Variants in ALK observed in about 807,000 individuals in gnomAD.
ALK encodes ALK tyrosine kinase receptor.
A neutral mutation model predicts 163.1 loss-of-function variants in ALK; 74 were observed. That is an observed-to-expected ratio of 0.45 (90% confidence interval 0.38 to 0.55). The LOEUF is 0.55. ALK is among the 20% of genes least tolerant of loss of function. The pLI is 0.00. For missense variants in ALK, 2,063 were observed against 2,105.3 expected (o/e 0.98, Z 0.39); for synonymous variants, 960 against 843.2 (o/e 1.14, Z -2.40).
intron 1 of ALK, among the ~76,000 whole-genome samples, chr2:29,802,716 A>G (rs1317151753): frequency 2.0e-5 from 3 of 151,816 alleles, no homozygotes; most frequent in African/African-American, 7.3e-5. Flanking sequence ...TTTTTAGATC[A>G]CTGTTCTATA....
chr2:29,683,368 CTCTG>C, intron 3 of ALK, among the ~76,000 whole-genome samples: 1 of 151,990 alleles, frequency 6.6e-6, no homozygotes, highest in Admixed American at 6.6e-5. Flanking sequence ...CAGAGTAAGA[CTCTG>C]TCTCAAGAAA....
intron 4 of ALK, among the ~76,000 whole-genome samples, chr2:29,493,960 C>T (rs1294580073): frequency 1.3e-5 from 2 of 152,208 alleles, no homozygotes. Flanking sequence ...GAGGAGGAGA[C>T]ACAGTGGGGT....
At chr2:29,414,446 G>A (rs1669817391) in intron 4 of ALK, among the ~76,000 whole-genome samples, 1 of 152,122 alleles carries the variant, frequency 6.6e-6, no homozygotes, top group Admixed American at 6.5e-5. Flanking sequence ...CCCCATTCTT[G>A]CCAAAACCCT....
chr2:29,276,559 T>A (rs1186980266), intron 9 of ALK, among the ~76,000 whole-genome samples: 1 of 152,062 alleles, frequency 6.6e-6, no homozygotes, highest in Non-Finnish European at 1.5e-5. Context: ...GGCATGGGTA[T>A]GAAAACACCA....
chr2:29,213,703 G>T (rs1229101695), intron 24 of ALK, among the ~76,000 whole-genome samples: 2 of 152,176 alleles, frequency 1.3e-5, no homozygotes, highest in African/African-American at 4.8e-5. Context: ...AGCTGAAGGG[G>T]CCAGGAGCCA....
Position 29,234,329 on chromosome 2 carries a change from A to G in ALK, c.2356-633T>C, listed in dbSNP as rs186971796. On this transcript the variant is annotated intron_variant, in intron 13 of 28. Coordinates refer to ENST00000389048, the MANE Select transcript of ALK (RefSeq NM_004304.5). ...GAAGGCACTGCAAGGAGTGGACTTC[A>G]TTCTCTATGAGAGCCGTTCTCTCAC... Among the ~76,000 whole-genome samples, 549 of 152,278 alleles carry G rather than the reference A, an allele frequency of 3.6e-3. 7 individuals are homozygous for G. The highest frequency in any genetic ancestry group is 0.012 in the African/African-American group (505 of 41,552).
intron 3 of ALK, among the ~76,000 whole-genome samples, chr2:29,645,249 G>A (rs565085782): frequency 1.3e-5 from 2 of 152,164 alleles, no homozygotes; most frequent in Non-Finnish European, 2.9e-5. Flanking sequence ...ATGAGAGTCT[G>A]GAAATCTTAA....
chr2:29,724,939 T>C (rs1337076070), intron 1 of ALK, among the ~76,000 whole-genome samples: 1 of 152,116 alleles, frequency 6.6e-6, no homozygotes, highest in East Asian at 1.9e-4. Context: ...AATATTCTTT[T>C]GTACTGTCAA....
At chr2:29,527,662 C>A (rs1304824873) in intron 4 of ALK, among the ~76,000 whole-genome samples, 3 of 152,154 alleles carry the variant, frequency 2.0e-5, no homozygotes, top group African/African-American at 7.2e-5. Flanking sequence ...CATGTACCAC[C>A]ATGCCTGGCT....
intron 1 of ALK, among the ~76,000 whole-genome samples, chr2:29,802,248 C>T (rs1459665867): frequency 2.0e-5 from 3 of 149,112 alleles, no homozygotes; most frequent in Non-Finnish European, 4.4e-5. Flanking sequence ...CACTGGGCAA[C>T]TTCCATGGTC....
At chr2:29,609,498 A>C (rs935614834) in intron 3 of ALK, among the ~76,000 whole-genome samples, 1 of 152,136 alleles carries the variant, frequency 6.6e-6, no homozygotes, top group Non-Finnish European at 1.5e-5. Context: ...AAATTAATAA[A>C]ATTTTAGAAT....
chr2:29,576,583 C>G (rs1674531098), intron 3 of ALK, among the ~76,000 whole-genome samples: 1 of 152,204 alleles, frequency 6.6e-6, no homozygotes, highest in African/African-American at 2.4e-5. Context: ...CCTCTGACAG[C>G]CATGCTAGCA....
rs115706675 is a variant in ALK at position 29,361,509 on chromosome 2, G to A, written c.1282+22223C>T. On this transcript the variant is annotated intron_variant, in intron 5 of 28. Coordinates refer to ENST00000389048, the MANE Select transcript of ALK (RefSeq NM_004304.5). ...TGCATTTGCTGGAGCTACAGGCAAT[G>A]CGTTATAGTGGGAAAACACTGGGCC... 9.4e-3 allele frequency among the ~76,000 whole-genome samples: 1,426 copies of A among 152,344 alleles called. 27 individuals carry two copies. Among genetic ancestry groups the A allele is most frequent in the African/African-American group, 0.032 (1,346 of 41,576 alleles).
intron 2 of ALK, among the ~76,000 whole-genome samples, chr2:29,704,229 G>C (rs1228527480): frequency 1.3e-5 from 2 of 152,170 alleles, no homozygotes; most frequent in Non-Finnish European, 2.9e-5. Flanking sequence ...TTAAAACACT[G>C]TCAGTCCTTA....
In ALK at chr2:29,880,260, T is replaced by C. The variant is rs1558531114; in HGVS notation, c.667+39733A>G. Among the ~76,000 whole-genome samples, 4 of 152,300 alleles carry C rather than the reference T, an allele frequency of 2.6e-5. No individual in the cohort carries two copies. In the South Asian group the frequency reaches 6.2e-4, roughly 24 times the overall value. ...TGTTGCCTATCAGCTTCTATCTTGA[T>C]TGGGTCCTGGTCATATCAGAATTAG... On this transcript the variant is annotated intron_variant, in intron 1 of 28. Coordinates refer to ENST00000389048, the MANE Select transcript of ALK (RefSeq NM_004304.5).
At chr2:29,231,063 C>T (rs1413337106) in intron 15 of ALK, among the ~76,000 whole-genome samples, 3 of 152,116 alleles carry the variant, frequency 2.0e-5, no homozygotes, top group South Asian at 2.1e-4. Context: ...TCTGGCCAGG[C>T]GTGGTGGCTC....
chr2:29,892,649 G>T (rs1005367971), intron 1 of ALK, among the ~76,000 whole-genome samples: 2 of 152,130 alleles, frequency 1.3e-5, no homozygotes, highest in Non-Finnish European at 2.9e-5. Context: ...TGAAGGGATT[G>T]GTCACATGAT....
At position 29,347,094 on chromosome 2, in the gene ALK, T is replaced by C. The variant is rs565539668; in HGVS notation, c.1283-18613A>G. On this transcript the variant is annotated intron_variant, in intron 5 of 28. Coordinates refer to ENST00000389048, the MANE Select transcript of ALK (RefSeq NM_004304.5). ...GTTCAAGGTACATGATTTCAGTTAA[T>C]ACTGAAAACAACTCTATGACATGGA... is the stretch of plus-strand genomic sequence containing the variant. Among the ~76,000 whole-genome samples the C allele has an allele frequency of 1.1e-4, 17 of 152,342 alleles. No homozygotes were observed. In the South Asian group the frequency reaches 3.5e-3, roughly 32 times the overall value.
At chr2:29,428,333 T>G (rs1217750461) in intron 4 of ALK, among the ~76,000 whole-genome samples, 1 of 151,976 alleles carries the variant, frequency 6.6e-6, no homozygotes, top group Non-Finnish European at 1.5e-5. Context: ...AAATTTGTTC[T>G]TTGCAAAAAT....
Sources: gnomAD v4.1 joint callset for allele counts (sites outside exome capture counted in the v4.1 genomes callset) on GRCh38, gnomAD v4.1.1 for gene constraint, MANE v1.5 for transcripts, NCBI Gene and HGNC (gene_info 2026-07-23, HGNC 2026-07-21) for gene names.